Variants in CRTC1 observed in about 807,000 individuals in gnomAD.
The protein encoded by CRTC1 is CREB regulated transcription coactivator 1, also known as CREB-regulated transcription coactivator 1.
A neutral mutation model predicts 66.1 loss-of-function variants in CRTC1; 18 were observed. The ratio of observed to expected loss-of-function variants is 0.27; its 90% CI spans 0.19 to 0.40. CRTC1 has a LOEUF of 0.40. Among genes scored for constraint, CRTC1 ranks in the 10% least tolerant of loss-of-function variants. The pLI is 1.00. For missense variants in CRTC1, 669 were observed against 887.9 expected (o/e 0.75, Z 3.13); for synonymous variants, 416 against 398.8 (o/e 1.04, Z -0.51).
In CRTC1 at chr19:18,745,917, C is replaced by T. The variant is rs762670352; in HGVS notation, c.338C>T (p.Ser113Phe). ...RVYRERGRLG[S>F]PHRRPLSVDK... ...TACCGGGAGCGTGGCCGGCTCGGCT[C>T]CCCACACCGCCGGCCCCTGTCAGTG... The change falls in exon 3 of 14, where the codon TCC becomes TTC. Residue 113 changes from serine to phenylalanine, a missense_variant. Ser to Phe is a radical substitution (Grantham distance 155). Around this residue, in one of 8 missense-constraint regions of CRTC1, gnomAD observed 214 missense variants for 323.4 expected, o/e 0.66. Transcript: ENST00000321949. 2 of 1,612,734 alleles carry T rather than the reference C, an allele frequency of 1.2e-6. No homozygotes were observed. The highest frequency in any genetic ancestry group is 1.7e-6 in the Non-Finnish European group (2 of 1,179,658).
chr19:18,729,221 C>A (rs1325739185), intron 1 of CRTC1, among the ~76,000 whole-genome samples: 1 of 149,288 alleles, frequency 6.7e-6, no homozygotes, highest in African/African-American at 2.4e-5. Context: ...GTCAGGAGAT[C>A]GAGACCATCC....
chr19:18,701,673 T>A (rs996097348), intron 1 of CRTC1, among the ~76,000 whole-genome samples: 1 of 152,224 alleles, frequency 6.6e-6, no homozygotes, highest in African/African-American at 2.4e-5. Flanking sequence ...TGGCGCCATC[T>A]CAGCTCACTG....
chr19:18,780,022 A>G lies in CRTC1; in HGVS notation c.*2640A>G, dbSNP rs1173692842. 2 of 229,606 alleles carry G rather than the reference A, an allele frequency of 8.7e-6. No individual in the cohort carries two copies. The highest frequency in any genetic ancestry group is 1.7e-5 in the Non-Finnish European group (2 of 115,940). 14.2% of individuals were successfully genotyped at this position (229,606 alleles called of 1,614,324 possible). On this transcript the variant is annotated 3_prime_UTR_variant, in exon 14 of 14. Transcript: ENST00000321949. ...GTTTTTTTAAATATCACTACTACAT[A>G]TTCTTGAATTGCCAAGACTTTCTGA...
chr19:18,723,493 A>G (rs1428938087), intron 1 of CRTC1, among the ~76,000 whole-genome samples: 1 of 152,164 alleles, frequency 6.6e-6, no homozygotes, highest in Non-Finnish European at 1.5e-5. Flanking sequence ...TGTCTGTGTC[A>G]CCACAGCCCA....
intron 1 of CRTC1, among the ~76,000 whole-genome samples, chr19:18,716,939 G>A (rs905796707): frequency 1.3e-5 from 2 of 152,188 alleles, no homozygotes; most frequent in African/African-American, 2.4e-5. Context: ...ATGTGCTCGT[G>A]TGTGTGCAAG....
chr19:18,758,157 G>A (rs58108288), intron 6 of CRTC1, among the ~76,000 whole-genome samples: 1 of 150,654 alleles, frequency 6.6e-6, no homozygotes, highest in Non-Finnish European at 1.5e-5. Flanking sequence ...GTCAGGAGAT[G>A]GAGACCCTCC....
At chr19:18,757,400 C>T (rs187846769) in intron 6 of CRTC1, among the ~76,000 whole-genome samples, 1 of 152,234 alleles carries the variant, frequency 6.6e-6, no homozygotes, top group East Asian at 1.9e-4. Context: ...TCCTGGGCAC[C>T]CCCTCCCCAG....
rs10038 is a variant in CRTC1 at position 18,781,918 on chromosome 19, C to A, written c.*4536C>A. On this transcript the variant is annotated 3_prime_UTR_variant, in exon 14 of 14. Transcript: ENST00000321949. ...TGGGGGCAACCCTTGCCCAGCCCAG[C>A]CATCAAGAACTTCTGATCTCCTGCC... is the stretch of plus-strand genomic sequence containing the variant. The A allele has an allele frequency of 0.27, 63,181 of 230,316 alleles. 9,345 individuals are homozygous for A. Among genetic ancestry groups the A allele is most frequent in the Non-Finnish European group, 0.31 (36,594 of 116,198 alleles). 14.3% of individuals were successfully genotyped at this position (230,316 alleles called of 1,614,324 possible).
chr19:18,748,096 A>G (rs1331654641), intron 4 of CRTC1, among the ~76,000 whole-genome samples: 2 of 152,146 alleles, frequency 1.3e-5, no homozygotes, highest in East Asian at 3.9e-4. Context: ...AAATAACAAT[A>G]ATATAGTTAA....
intron 1 of CRTC1, among the ~76,000 whole-genome samples, chr19:18,685,486 G>A (rs2052665752): frequency 6.6e-6 from 1 of 152,128 alleles, no homozygotes; most frequent in Non-Finnish European, 1.5e-5. Context: ...GTGAAACCCT[G>A]TCTGTACTAA....
chr19:18,774,868 G>T, intron 11 of CRTC1, 32 bp from the exon 12 acceptor site: 1 of 1,605,636 alleles, frequency 6.2e-7, no homozygotes, highest in Non-Finnish European at 8.5e-7. Flanking sequence ...GCCTCAGGCC[G>T]TGACCACAGC....
chr19:18,726,237 G>T (rs1373839040), intron 1 of CRTC1, among the ~76,000 whole-genome samples: 1 of 152,262 alleles, frequency 6.6e-6, no homozygotes, highest in Non-Finnish European at 1.5e-5. Flanking sequence ...GGCTCAGCCG[G>T]CGCTCCCAGC....
intron 1 of CRTC1, among the ~76,000 whole-genome samples, chr19:18,724,150 G>C (rs947687329): frequency 2.6e-5 from 4 of 152,188 alleles, no homozygotes; most frequent in Non-Finnish European, 5.9e-5. Flanking sequence ...AGGCTCCTCG[G>C]CAGCATCGAC....
rs1039385947 is a variant in CRTC1, at chr19:18,780,206, A to G, written c.*2824A>G. The G allele has an allele frequency of 4.8e-5, 11 of 231,484 alleles. No individual in the cohort carries two copies. Among genetic ancestry groups the G allele is most frequent in the Middle Eastern group, 1.2e-3 (1 of 804 alleles). 14.3% of individuals were successfully genotyped at this position (231,484 alleles called of 1,614,324 possible). On this transcript the variant is annotated 3_prime_UTR_variant, in exon 14 of 14. Transcript: ENST00000321949. The stretch of plus-strand genomic sequence containing the variant: ...GGTCAGGCCCGGATGCTTGGTCTAC[A>G]CTGGGTTAGAGGCTGCTCTCCCCAC...
At position 18,768,503 on chromosome 19, in the gene CRTC1, C is replaced by T. The variant is rs2054785240; in HGVS notation, c.1030C>T (p.Leu344=). The change falls in exon 10 of 14, where the codon CTG becomes TTG. Residue 344 remains leucine (L), a synonymous_variant. Coordinates refer to ENST00000321949, the MANE Select transcript of CRTC1 (RefSeq NM_015321.3). The surrounding 1 kb of genome is among the most constrained non-coding windows in gnomAD (Gnocchi z 5.6). ...PITQAVAMDA[L]SLEQQLPYAF... is the part of the protein sequence containing the mutation. ...CCTGCAGGCTGTAGCCATGGACGCC[C>T]TGTCTCTGGAGCAGCAGCTGCCCTA... 2 of 1,609,744 alleles carry T rather than the reference C, an allele frequency of 1.2e-6. No individual in the cohort carries two copies. The highest frequency in any genetic ancestry group is 1.7e-5 in the Admixed American group (1 of 59,896).
At position 18,752,702 on chromosome 19, in the gene CRTC1, G is replaced by A. The variant is rs370761761; in HGVS notation, c.539-798G>A. Among the ~76,000 whole-genome samples, 26 of 150,828 alleles carry A rather than the reference G, an allele frequency of 1.7e-4. No homozygotes were observed. In the East Asian group the frequency reaches 3.9e-3, roughly 23 times the overall value. On this transcript the variant is annotated intron_variant, in intron 5 of 13. Transcript: ENST00000321949. The stretch of plus-strand genomic sequence containing the variant: ...GTCGCCCAGACTGGAGTGCAATGGC[G>A]TGATGTCAGCTCACTGCAACCTCTG...
chr19:18,704,208 G>T (rs2145551441), intron 1 of CRTC1, among the ~76,000 whole-genome samples: 1 of 152,214 alleles, frequency 6.6e-6, no homozygotes, highest in African/African-American at 2.4e-5. Flanking sequence ...GAATTCCTGG[G>T]CTCAAGCAAT....
At chr19:18,716,257 CTTT>C (rs1216463325) in intron 1 of CRTC1, among the ~76,000 whole-genome samples, 1 of 144,174 alleles carries the variant, frequency 6.9e-6, no homozygotes, top group Non-Finnish European at 1.5e-5. Flanking sequence ...CCGAATGACT[CTTT>C]TTTTTTTTTT....
chr19:18,774,361 G>T (rs1233381647), intron 11 of CRTC1, among the ~76,000 whole-genome samples: 1 of 152,224 alleles, frequency 6.6e-6, no homozygotes, highest in South Asian at 2.1e-4. Flanking sequence ...CCCGGGTCCT[G>T]CAGGCTGGCA....
Sources: gnomAD v4.1 joint callset for allele counts (sites outside exome capture counted in the v4.1 genomes callset) on GRCh38, gnomAD v4.1.1 for gene constraint, gnomAD v4.1.1 regional missense constraint, Gnocchi (gnomAD v3.1) non-coding constraint, MANE v1.5 for transcripts, NCBI Gene and HGNC (gene_info 2026-07-23, HGNC 2026-07-21) for gene names.